Variants in GSE1 observed in about 807,000 individuals in gnomAD.
The protein encoded by GSE1 is genetic suppressor element 1.
Under a neutral mutation model 112.6 loss-of-function variants are expected in GSE1, and 32 were observed. The observed-to-expected ratio is 0.28, with a 90% CI of 0.21 to 0.38. The LOEUF (loss-of-function observed/expected upper bound fraction) is 0.38. Among genes scored for constraint, GSE1 ranks in the 10% least tolerant of loss-of-function variants. The pLI, the probability that GSE1 is intolerant of heterozygous loss-of-function variation, is 1.00. For missense variants in GSE1, 2,348 were observed against 1,699.2 expected (o/e 1.38, Z -6.71); for synonymous variants, 1,115 against 735.6 (o/e 1.52, Z -8.35).
chr16:85,335,469 G>A (rs1159706077), intron 1 of GSE1, among the ~76,000 whole-genome samples: 4 of 150,812 alleles, frequency 2.7e-5, no homozygotes, highest in East Asian at 1.9e-4. Flanking sequence ...GGCGGAGGCC[G>A]TGCTGTGCGG....
intron 2 of GSE1, among the ~76,000 whole-genome samples, chr16:85,384,522 G>A (rs2047641299): frequency 2.0e-5 from 3 of 152,186 alleles, no homozygotes; most frequent in Admixed American, 2.0e-4. Flanking sequence ...GCAGCACCAG[G>A]CCTGTACACA....
intron 1 of GSE1, among the ~76,000 whole-genome samples, chr16:85,560,524 CA>C (rs1351380467): frequency 6.6e-6 from 1 of 152,076 alleles, no homozygotes; most frequent in Non-Finnish European, 1.5e-5. Flanking sequence ...CTTCACTGGC[CA>C]GGGGGAAATG....
intron 1 of GSE1, among the ~76,000 whole-genome samples, chr16:85,276,737 G>T (rs1371632543): frequency 6.6e-6 from 1 of 152,114 alleles, no homozygotes; most frequent in Non-Finnish European, 1.5e-5. Context: ...GAGGTGTGTG[G>T]GGTGGGACCT....
rs550437547 is a variant in GSE1 at position 85,673,890 on chromosome 16, G to A, written c.*1351G>A. 6.6e-6 allele frequency: 1 copy of A among 152,344 alleles called. No individual in the cohort carries two copies. Among genetic ancestry groups the A allele is most frequent in the South Asian group, 2.1e-4 (1 of 4,832 alleles). The allele number at this position is 152,344 out of a possible 1,614,324, so 9.4% of individuals were successfully genotyped here. On this transcript the variant is annotated 3_prime_UTR_variant, in exon 16 of 16. Transcript: ENST00000253458. ...GCAGGTACAGAATAGGAACTTCAGA[G>A]GCTTTGTTTAAACGCAAAGCTTTGT...
At chr16:85,398,259 A>G (rs1232811263) in intron 2 of GSE1, among the ~76,000 whole-genome samples, 1 of 152,154 alleles carries the variant, frequency 6.6e-6, no homozygotes, top group African/African-American at 2.4e-5. Flanking sequence ...TCTTTGGGGA[A>G]GTGGAGAAGG....
chr16:85,614,721 C>G (rs1275273083), intron 1 of GSE1, among the ~76,000 whole-genome samples: 1 of 152,206 alleles, frequency 6.6e-6, no homozygotes, highest in Non-Finnish European at 1.5e-5. Context: ...ACAAACTAGC[C>G]TTTGTACAAA....
At chr16:85,572,172 A>G (rs2046016308) in intron 1 of GSE1, among the ~76,000 whole-genome samples, 1 of 145,888 alleles carries the variant, frequency 6.9e-6, no homozygotes, top group Non-Finnish European at 1.5e-5. Flanking sequence ...ACTGAATACT[A>G]CACACACACC....
chr16:85,651,553 G>A (rs925455638), intron 3 of GSE1, among the ~76,000 whole-genome samples: 4 of 152,188 alleles, frequency 2.6e-5, no homozygotes, highest in South Asian at 2.1e-4. Context: ...GTGGCGGGGC[G>A]GCTGGGGCCC....
chr16:85,619,477 T>C (rs2048591390), intron 1 of GSE1, among the ~76,000 whole-genome samples: 1 of 152,122 alleles, frequency 6.6e-6, no homozygotes. Flanking sequence ...CTGAGTCTTA[T>C]CTTCTGGGTT....
intron 1 of GSE1, among the ~76,000 whole-genome samples, chr16:85,238,580 C>T (rs1481489708): frequency 6.6e-6 from 1 of 152,182 alleles, no homozygotes; most frequent in Non-Finnish European, 1.5e-5. Context: ...AGCTCTGCCC[C>T]CACTGGGGCC....
At position 85,220,501 on chromosome 16, in the gene GSE1, G is replaced by A. The variant is rs1236106565; in HGVS notation, c.2283+48694G>A. 9.8e-5 allele frequency among the ~76,000 whole-genome samples: 15 copies of A among 152,358 alleles called. No homozygotes were observed. The East Asian group carries it at 1.7e-3, about 18-fold the overall frequency. On this transcript the variant is annotated intron_variant, in intron 1 of 2. Coordinates refer to the GSE1 transcript ENST00000637419. ...TTAAGTTCAGCTCAGAGCCGGGCCC[G>A]CGGCCAGGAGCCTGGGGCAGCTGTG...
chr16:85,309,823 C>T (rs912537725), intron 1 of GSE1, among the ~76,000 whole-genome samples: 2 of 152,234 alleles, frequency 1.3e-5, no homozygotes, highest in East Asian at 1.9e-4. Context: ...AGGGTGGACG[C>T]GGCCAAGAAA....
At chr16:85,300,067 A>G (rs2045477763) in intron 1 of GSE1, among the ~76,000 whole-genome samples, 1 of 151,678 alleles carries the variant, frequency 6.6e-6, no homozygotes, top group Admixed American at 6.6e-5. Flanking sequence ...GCTGGAGTGC[A>G]ATGGCACCAT....
intron 2 of GSE1, among the ~76,000 whole-genome samples, chr16:85,360,622 G>A (rs946310146): frequency 1.3e-5 from 2 of 152,154 alleles, no homozygotes; most frequent in Non-Finnish European, 2.9e-5. Flanking sequence ...CTGCCAGCTG[G>A]GCGGCGGGGC....
chr16:85,170,204 C>A, exon 1 of GSE1: 1 of 985,306 alleles, frequency 1.0e-6, no homozygotes, highest in Non-Finnish European at 1.2e-6. Context: ...GGCGCAGAGG[C>A]CTCGGCGCAG....
Position 85,673,994 on chromosome 16 carries a change from C to T in GSE1, c.*1455C>T, listed in dbSNP as rs999077399. On this transcript the variant is annotated 3_prime_UTR_variant, in exon 16 of 16. Coordinates refer to ENST00000253458, the MANE Select transcript of GSE1 (RefSeq NM_014615.5). Reference sequence around the variant, plus strand: ...CACAGGAACGGTCAGAAACTGGGCTCATCACACCAAGGCAAAGCAACGGGC... The same window carrying T: ...CACAGGAACGGTCAGAAACTGGGCTTATCACACCAAGGCAAAGCAACGGGC... 2.6e-5 allele frequency: 4 copies of T among 152,282 alleles called. No individual in the cohort carries two copies. The highest frequency in any genetic ancestry group is 9.6e-5 in the African/African-American group (4 of 41,466). The allele number at this position is 152,282 out of a possible 1,614,324, so 9.4% of individuals were successfully genotyped here. A position where few individuals can be genotyped will look rare whatever the true frequency, so the allele number is the denominator to read the frequency against.
chr16:85,339,128 C>G (rs1203903121), intron 1 of GSE1, among the ~76,000 whole-genome samples: 1 of 152,220 alleles, frequency 6.6e-6, no homozygotes, highest in African/African-American at 2.4e-5. Flanking sequence ...AGGGAGGTCA[C>G]TGGGTCTGGT....
At chr16:85,181,525 G>A (rs1024360231) in intron 1 of GSE1, among the ~76,000 whole-genome samples, 4 of 152,212 alleles carry the variant, frequency 2.6e-5, no homozygotes, top group African/African-American at 7.2e-5. Flanking sequence ...GGAGGCCGCC[G>A]TGCTCTCTCG....
At chr16:85,664,057 CT>C (rs1480746435) in intron 11 of GSE1, among the ~76,000 whole-genome samples, 1 of 152,286 alleles carries the variant, frequency 6.6e-6, no homozygotes, top group East Asian at 1.9e-4. Flanking sequence ...GCAGCACACA[CT>C]GAGCAGATGG....
Sources: gnomAD v4.1 joint callset for allele counts (sites outside exome capture counted in the v4.1 genomes callset) on GRCh38, gnomAD v4.1.1 for gene constraint, MANE v1.5 for transcripts, NCBI Gene and HGNC (gene_info 2026-07-23, HGNC 2026-07-21) for gene names.